The following MAP3K7 variants were observed in gnomAD, a reference collection of about 807,000 sequenced individuals.
MAP3K7 encodes TGF-beta activated kinase 1.
In MAP3K7, 21 loss-of-function variants were observed where a neutral mutation model predicts 84.8. The observed-to-expected ratio is 0.25, with a 90% CI of 0.18 to 0.36. The LOEUF (loss-of-function observed/expected upper bound fraction) is 0.36. Among genes scored for constraint, MAP3K7 ranks in the 10% least tolerant of loss-of-function variants. The probability of loss-of-function intolerance (pLI) is 1.00; values close to 1 mark genes in which losing one functional copy is unlikely to be tolerated. For missense variants in MAP3K7, 503 were observed against 747.7 expected (o/e 0.67, Z 3.82); for synonymous variants, 241 against 247.7 (o/e 0.97, Z 0.25).
chr6:90,521,257 CGTGT>C (rs59945419), intron 14 of MAP3K7, among the ~76,000 whole-genome samples: 3,680 of 148,620 alleles, frequency 0.025, 52 homozygotes, highest in Admixed American at 0.035. Context: ...AAGTTTTTTG[CGTGT>C]GTGTGTGTGT....
intron 13 of MAP3K7, 130 bp from the exon 14 acceptor site, chr6:90,523,913 T>C: frequency 1.7e-6 from 1 of 595,016 alleles, no homozygotes; most frequent in South Asian, 2.2e-5. Context: ...ACAAAATAAA[T>C]CCTCTCTTAT....
intron 6 of MAP3K7, 114 bp from the exon 7 acceptor site, chr6:90,553,700 T>C (rs977370626): frequency 3.8e-6 from 3 of 779,992 alleles, no homozygotes; most frequent in African/African-American, 3.5e-5. Context: ...GGCTGTCACA[T>C]GTAGAACTAA....
At chr6:90,528,202 CT>C (rs983055070) in intron 13 of MAP3K7, among the ~76,000 whole-genome samples, 5 of 151,816 alleles carry the variant, frequency 3.3e-5, no homozygotes, top group African/African-American at 7.2e-5. Flanking sequence ...TAAAAAGCAC[CT>C]TTTTTTTCTT....
At chr6:90,547,611 C>A (rs1354561296) in intron 10 of MAP3K7, among the ~76,000 whole-genome samples, 1 of 152,074 alleles carries the variant, frequency 6.6e-6, no homozygotes, top group Non-Finnish European at 1.5e-5. Context: ...CTAAAAGCCC[C>A]AATTATTCGT....
intron 2 of MAP3K7, among the ~76,000 whole-genome samples, chr6:90,570,933 CTCAT>C (rs1562107513): frequency 1.3e-5 from 2 of 152,290 alleles, no homozygotes; most frequent in East Asian, 3.9e-4. Context: ...CATTTCTCAA[CTCAT>C]TCAGCCACTT....
intron 1 of MAP3K7, among the ~76,000 whole-genome samples, chr6:90,584,194 C>T (rs1233541965): frequency 1.3e-5 from 2 of 152,114 alleles, no homozygotes; most frequent in Non-Finnish European, 2.9e-5. Context: ...TTCTGGTCAT[C>T]TTCCTCTGTT....
At chr6:90,542,379 A>G (rs745899521) in intron 12 of MAP3K7, 1 of 983,518 alleles carries the variant, frequency 1.0e-6, no homozygotes, top group Non-Finnish European at 1.2e-6. Context: ...CCTAAAAAGA[A>G]TATTTAATAA....
chr6:90,567,412 C>G (rs910373365), intron 3 of MAP3K7, among the ~76,000 whole-genome samples: 3 of 152,178 alleles, frequency 2.0e-5, no homozygotes, highest in Non-Finnish European at 2.9e-5. Context: ...AGGATATGAA[C>G]AGACACTTCT....
At chr6:90,535,010 C>A (rs13208824) in intron 13 of MAP3K7, among the ~76,000 whole-genome samples, 12,739 of 152,000 alleles carry the variant, frequency 0.084, 704 homozygotes, top group Non-Finnish European at 0.13. Context: ...CTTACAAAAA[C>A]AGATGCACTG....
At chr6:90,577,654 G>A (rs1582242555) in intron 1 of MAP3K7, among the ~76,000 whole-genome samples, 1 of 152,348 alleles carries the variant, frequency 6.6e-6, no homozygotes, top group East Asian at 1.9e-4. Context: ...AGACGTTCCA[G>A]AAGGAAAGCA....
rs1370484566 is a variant in MAP3K7, at chr6:90,586,909, C to G, written c.-26G>C. ...GATCCCTCGCGGCGCCCGGTGGGGC[C>G]GGGAACGGTGCCACCCGGACAATCC... On this transcript the variant is annotated 5_prime_UTR_variant, in exon 1 of 17. Coordinates refer to ENST00000369329, the MANE Select transcript of MAP3K7 (RefSeq NM_145331.3). The G allele has an allele frequency of 6.3e-7, 1 of 1,595,570 alleles. No homozygotes were observed. The highest frequency in any genetic ancestry group is 8.5e-7 in the Non-Finnish European group (1 of 1,174,054).
At position 90,563,568 on chromosome 6, in the gene MAP3K7, T is replaced by C. The variant is rs527859266; in HGVS notation, c.298-1901A>G. Among the ~76,000 whole-genome samples the C allele has an allele frequency of 5.9e-5, 9 of 152,294 alleles. 1 individual carries two copies. Among genetic ancestry groups the C allele is most frequent in the Admixed American group, 5.2e-4 (8 of 15,300 alleles). On this transcript the variant is annotated intron_variant, in intron 3 of 16. Transcript: ENST00000369329. The stretch of plus-strand genomic sequence containing the variant: ...AAAGACTCCAAGAAATATGGGACTA[T>C]GTGAAAAGACCAAATCTACATCTCA...
At chr6:90,531,250 C>T (rs1775496016) in intron 13 of MAP3K7, among the ~76,000 whole-genome samples, 1 of 152,064 alleles carries the variant, frequency 6.6e-6, no homozygotes, top group Non-Finnish European at 1.5e-5. Flanking sequence ...TAATATCTTA[C>T]CTGAAAGACT....
In MAP3K7 at chr6:90,524,325, T is replaced by C. The variant is rs192424941; in HGVS notation, c.1357-542A>G. On this transcript the variant is annotated intron_variant, in intron 13 of 16. Coordinates refer to ENST00000369329, the MANE Select transcript of MAP3K7 (RefSeq NM_145331.3). ...GCTCTGGGTGGAAGGGAGAAATGTA[T>C]TAACTGTGAATCCACAAAAAATTTC... Among the ~76,000 whole-genome samples, 473 of 152,304 alleles carry C rather than the reference T, an allele frequency of 3.1e-3. 2 individuals are homozygous for C. Among genetic ancestry groups the C allele is most frequent in the Non-Finnish European group, 3.5e-3 (238 of 68,024 alleles).
Position 90,553,340 on chromosome 6 carries a change from A to T in MAP3K7, c.736+118T>A. The stretch of plus-strand genomic sequence containing the variant: ...GATAATAGCAAAGCAGTCTCTTAAC[A>T]AAGAATTGTACATTTTAATGTTAGA... On this transcript the variant is annotated intron_variant, in intron 7 of 16. Transcript: ENST00000369329. 3.8e-6 allele frequency: 4 copies of T among 1,060,420 alleles called. No homozygotes were observed. In the South Asian group the frequency reaches 6.5e-5, roughly 17 times the overall value. 65.7% of individuals were successfully genotyped at this position (1,060,420 alleles called of 1,614,324 possible). A position where few individuals can be genotyped will look rare whatever the true frequency, so the allele number is the denominator to read the frequency against.
intron 14 of MAP3K7, among the ~76,000 whole-genome samples, chr6:90,522,770 T>A (rs1340633027): frequency 1.3e-5 from 2 of 152,172 alleles, no homozygotes; most frequent in African/African-American, 4.8e-5. Flanking sequence ...CCACATCAGA[T>A]AACTATAAAT....
intron 13 of MAP3K7, among the ~76,000 whole-genome samples, chr6:90,536,003 A>T (rs1775659493): frequency 6.6e-6 from 1 of 152,178 alleles, no homozygotes. Flanking sequence ...TTAATGATTC[A>T]CTTTAAAGGA....
intron 1 of MAP3K7, among the ~76,000 whole-genome samples, chr6:90,573,415 TTAA>T (rs146958209): frequency 0.021 from 3,121 of 152,236 alleles, 118 homozygotes; most frequent in African/African-American, 0.071. Context: ...AAAAAGGGCA[TTAA>T]TAATAATAAT....
chr6:90,579,759 T>C (rs1435567337), intron 1 of MAP3K7, among the ~76,000 whole-genome samples: 1 of 152,246 alleles, frequency 6.6e-6, no homozygotes, highest in African/African-American at 2.4e-5. Context: ...GATCAAATGA[T>C]AGTATGAAAC....
Sources: gnomAD v4.1 joint callset for allele counts (sites outside exome capture counted in the v4.1 genomes callset) on GRCh38, gnomAD v4.1.1 for gene constraint, MANE v1.5 for transcripts, NCBI Gene and HGNC (gene_info 2026-07-23, HGNC 2026-07-21) for gene names.